The following SNX4 variants were observed in gnomAD, a reference collection of about 807,000 sequenced individuals.
SNX4 encodes the protein sorting nexin 4.
In SNX4, 49 loss-of-function variants were observed where a neutral mutation model predicts 70.8. The observed-to-expected ratio is 0.69, with a 90% confidence interval of 0.55 to 0.88. The LOEUF is 0.88. SNX4 is among the 40% of genes least tolerant of loss of function. SNX4 has a pLI of 0.00. For synonymous variants in SNX4, 206 were observed against 183.8 expected (o/e 1.12, Z -0.98); for missense variants, 528 against 544.8 (o/e 0.97, Z 0.31).
At chr3:125,509,597 C>CA (rs1935125209) in intron 1 of SNX4, among the ~76,000 whole-genome samples, 1 of 151,438 alleles carries the variant, frequency 6.6e-6, no homozygotes, top group African/African-American at 2.4e-5. Flanking sequence ...ACTAAAAATA[C>CA]AAAAAATTAG....
intron 11 of SNX4, among the ~76,000 whole-genome samples, chr3:125,455,878 G>C (rs569511729): frequency 1.8e-4 from 28 of 152,244 alleles, no homozygotes; most frequent in African/African-American, 6.3e-4. Flanking sequence ...TTGGTCGGGC[G>C]TGGTGGCAGG....
intron 9 of SNX4, among the ~76,000 whole-genome samples, chr3:125,465,280 T>C (rs1240782461): frequency 6.6e-6 from 1 of 151,264 alleles, no homozygotes; most frequent in East Asian, 2.0e-4. Flanking sequence ...AGTTTCACTC[T>C]TGTCACCCAG....
intron 1 of SNX4, among the ~76,000 whole-genome samples, chr3:125,511,411 A>AACTTTTGGCAGTGGTTAATAGG (rs1935172843): frequency 1.3e-5 from 2 of 152,208 alleles, no homozygotes; most frequent in Middle Eastern, 3.2e-3. Flanking sequence ...CTTATATTAA[A>AACTTTTGGCAGTGGTTAATAGG]CTTTAAATTC....
chr3:125,500,927 G>A lies in SNX4; in HGVS notation c.264-2733C>T, dbSNP rs1479968238. 3.5e-5 allele frequency among the ~76,000 whole-genome samples: 5 copies of A among 144,060 alleles called. 1 individual carries two copies. Among genetic ancestry groups the A allele is most frequent in the South Asian group, 4.4e-4 (2 of 4,594 alleles). 94.5% of individuals were successfully genotyped at this position (144,060 alleles called of 152,430 possible). On this transcript the variant is annotated intron_variant, in intron 2 of 13. Coordinates refer to ENST00000251775, the MANE Select transcript of SNX4 (RefSeq NM_003794.4). ...AAAATTACAGAAACAAAACCCTCTC[G>A]ACAATTGGACTACAGACAGTTGCTA... is the stretch of plus-strand genomic sequence containing the variant.
Position 125,469,536 on chromosome 3 carries a change from A to G in SNX4, c.789-17T>C, listed in dbSNP as rs1466209395. 1 of 1,584,468 alleles carries G rather than the reference A, an allele frequency of 6.3e-7. No homozygotes were observed. Among genetic ancestry groups the G allele is most frequent in the East Asian group, 2.2e-5 (1 of 44,720 alleles). The stretch of plus-strand genomic sequence containing the variant: ...CTCCATTCACTAGGGAGTAAAAGAT[A>G]AAACCAAAAGCAACATGCATTAGAG... On this transcript the variant is annotated splice_polypyrimidine_tract_variant and intron_variant, in intron 8 of 13. Transcript: ENST00000251775.
intron 9 of SNX4, among the ~76,000 whole-genome samples, chr3:125,467,861 C>T (rs1321694058): frequency 6.6e-6 from 1 of 152,182 alleles, no homozygotes; most frequent in Non-Finnish European, 1.5e-5. Flanking sequence ...ATAGAAGTAC[C>T]ATTCAACCCA....
At chr3:125,466,671 A>T (rs1367072658) in intron 9 of SNX4, among the ~76,000 whole-genome samples, 1 of 152,214 alleles carries the variant, frequency 6.6e-6, no homozygotes, top group Non-Finnish European at 1.5e-5. Context: ...TCACACCTGT[A>T]ATCCCACACT....
intron 11 of SNX4, among the ~76,000 whole-genome samples, chr3:125,456,916 C>T (rs968116817): frequency 6.6e-6 from 1 of 151,860 alleles, no homozygotes; most frequent in African/African-American, 2.4e-5. Flanking sequence ...TGGCCTTGGC[C>T]TCCCAAAGTG....
chr3:125,466,027 T>C (rs2107534103), intron 9 of SNX4, among the ~76,000 whole-genome samples: 1 of 152,336 alleles, frequency 6.6e-6, no homozygotes, highest in East Asian at 1.9e-4. Flanking sequence ...TATCTTTCCA[T>C]TTATTTAGGT....
intron 5 of SNX4, among the ~76,000 whole-genome samples, chr3:125,490,642 T>C (rs548138259): frequency 6.6e-6 from 1 of 152,144 alleles, no homozygotes; most frequent in South Asian, 2.1e-4. Context: ...ACAACACAAC[T>C]TTTTAACTAT....
chr3:125,482,591 C>T (rs1347426851), intron 6 of SNX4, among the ~76,000 whole-genome samples: 1 of 151,990 alleles, frequency 6.6e-6, no homozygotes, highest in Non-Finnish European at 1.5e-5. Context: ...CTTGGATGAT[C>T]TTCCAAAGTC....
At chr3:125,513,154 G>A (rs1935204444) in intron 1 of SNX4, among the ~76,000 whole-genome samples, 1 of 152,102 alleles carries the variant, frequency 6.6e-6, no homozygotes, top group Non-Finnish European at 1.5e-5. Flanking sequence ...AGGACATGAG[G>A]GTAGGGCCCT....
At chr3:125,451,131 T>TA (rs1933560530) in intron 13 of SNX4, among the ~76,000 whole-genome samples, 174 bp downstream of exon 13, 1 of 151,770 alleles carries the variant, frequency 6.6e-6, no homozygotes, top group Admixed American at 6.6e-5. Flanking sequence ...AATTTTAAAA[T>TA]AAAAAAACCA....
chr3:125,520,047 G>C lies in SNX4; in HGVS notation c.126C>G (p.Ser42Arg), dbSNP rs1445967865. 1 of 1,561,102 alleles carries C rather than the reference G, an allele frequency of 6.4e-7. No homozygotes were observed. Among genetic ancestry groups the C allele is most frequent in the Non-Finnish European group, 8.7e-7 (1 of 1,155,954 alleles). The change falls in exon 1 of 14, where the codon AGC (serine) becomes AGG (arginine). Residue 42 changes from serine to arginine, a missense_variant. Ser to Arg is a moderately radical substitution (Grantham distance 110). This residue lies in a region of SNX4 where 341 missense variants were observed against 312.2 expected (regional missense o/e 1.09). Transcript: ENST00000251775. ...GKEAEGAGEE[S>R]SGVDTMTHNN... ...TTCTCCTCACCGTGTCGACCCCAGA[G>C]CTCTCTTCTCCGGCCCCCTCCGCTT...
At chr3:125,458,122 T>C (rs1485926498) in intron 10 of SNX4, among the ~76,000 whole-genome samples, 1 of 151,792 alleles carries the variant, frequency 6.6e-6, no homozygotes, top group African/African-American at 2.4e-5. Context: ...TTAGAAAAGA[T>C]AATACCTCAA....
chr3:125,507,080 T>C (rs1935061168), intron 1 of SNX4, among the ~76,000 whole-genome samples: 1 of 149,540 alleles, frequency 6.7e-6, no homozygotes, highest in South Asian at 2.1e-4. Flanking sequence ...CGGGCGCTTG[T>C]AATCCCAATC....
chr3:125,514,389 CTTT>C (rs57357708), intron 1 of SNX4, among the ~76,000 whole-genome samples: 50,111 of 126,446 alleles, frequency 0.4, 8,078 homozygotes, highest in Admixed American at 0.47. Context: ...GTGACCAACA[CTTT>C]TTTTTTTTTT....
intron 8 of SNX4, among the ~76,000 whole-genome samples, chr3:125,474,031 C>T (rs1229367793): frequency 2.0e-5 from 3 of 152,190 alleles, no homozygotes; most frequent in Non-Finnish European, 4.4e-5. Flanking sequence ...TGAGAACCCT[C>T]AACCTCATCC....
chr3:125,478,307 T>C (rs988823487), intron 7 of SNX4, among the ~76,000 whole-genome samples: 2 of 151,948 alleles, frequency 1.3e-5, no homozygotes, highest in Non-Finnish European at 2.9e-5. Flanking sequence ...TGACCTCAAA[T>C]GATCTGCCCA....
Sources: gnomAD v4.1 joint callset for allele counts (sites outside exome capture counted in the v4.1 genomes callset) on GRCh38, gnomAD v4.1.1 for gene constraint, gnomAD v4.1.1 regional missense constraint, MANE v1.5 for transcripts, NCBI Gene and HGNC (gene_info 2026-07-23, HGNC 2026-07-21) for gene names.